MGAT5: variants seen among roughly 807,000 people sequenced by gnomAD.
The protein encoded by MGAT5 is alpha-1,6-mannosylglycoprotein 6-beta-N-acetylglucosaminyltransferase, also known as alpha-1,6-mannosylglycoprotein 6-beta-N-acetylglucosaminyltransferase A.
MGAT5 carries 30 observed loss-of-function variants against 94.3 expected under a neutral mutation model. The observed-to-expected ratio is 0.32, with a 90% CI of 0.24 to 0.43. The LOEUF is 0.43. Among genes scored for constraint, MGAT5 ranks in the 20% least tolerant of loss-of-function variants. The probability of loss-of-function intolerance (pLI) is 1.00; values close to 1 mark genes in which losing one functional copy is unlikely to be tolerated. For missense variants in MGAT5, 691 were observed against 905.5 expected (o/e 0.76, Z 3.04); for synonymous variants, 310 against 322.9 (o/e 0.96, Z 0.43).
chr2:134,190,507 C>T (rs1689312601), intron 1 of MGAT5, among the ~76,000 whole-genome samples: 1 of 152,206 alleles, frequency 6.6e-6, no homozygotes, highest in Non-Finnish European at 1.5e-5. Flanking sequence ...TTCCCCACCA[C>T]CCAACCCCAC....
intron 1 of MGAT5, among the ~76,000 whole-genome samples, chr2:134,203,086 A>G (rs1379881452): frequency 1.3e-5 from 2 of 152,192 alleles, no homozygotes; most frequent in African/African-American, 2.4e-5. Context: ...AACTTTTTTT[A>G]TGGTTAATAA....
chr2:134,442,026 G>C (rs1034353019), intron 15 of MGAT5, 111 bp downstream of exon 15: 3 of 1,253,478 alleles, frequency 2.4e-6, no homozygotes, highest in Admixed American at 3.9e-5. Context: ...GGGCTGTGGG[G>C]ATAAGGTGTG....
At chr2:134,215,857 T>C (rs1290729384) in intron 1 of MGAT5, among the ~76,000 whole-genome samples, 1 of 152,194 alleles carries the variant, frequency 6.6e-6, no homozygotes, top group Non-Finnish European at 1.5e-5. Flanking sequence ...ACTCACATCC[T>C]CTCCATGGTT....
intron 1 of MGAT5, among the ~76,000 whole-genome samples, chr2:134,216,153 A>G (rs1680486676): frequency 6.6e-6 from 1 of 152,140 alleles, no homozygotes; most frequent in African/African-American, 2.4e-5. Context: ...CTCTCACCAT[A>G]TGTTTGGTTT....
At chr2:134,362,176 C>T in intron 9 of MGAT5, 99 bp from the exon 10 acceptor site, 1 of 1,422,770 alleles carries the variant, frequency 7.0e-7, no homozygotes, top group Non-Finnish European at 9.6e-7. Flanking sequence ...TGAAAACAAA[C>T]ATTTTGTTAT....
At chr2:134,249,858 C>G (rs907893943), upstream of MGAT5, among the ~76,000 whole-genome samples, 1 of 152,246 alleles carries the variant, frequency 6.6e-6, no homozygotes, top group Non-Finnish European at 1.5e-5. Context: ...CCCACACTGG[C>G]TGCGCCATTT....
intron 7 of MGAT5, among the ~76,000 whole-genome samples, chr2:134,343,081 A>G (rs1231114074): frequency 6.6e-6 from 1 of 152,138 alleles, no homozygotes; most frequent in Non-Finnish European, 1.5e-5. Context: ...GAAGGAATAA[A>G]TAGGTGAATG....
At chr2:134,154,759 GCTGT>G (rs1331609646) in intron 1 of MGAT5, among the ~76,000 whole-genome samples, 2 of 152,184 alleles carry the variant, frequency 1.3e-5, no homozygotes, top group East Asian at 3.8e-4. Flanking sequence ...TGACAACTGT[GCTGT>G]CTGACTCTCT....
intron 1 of MGAT5, among the ~76,000 whole-genome samples, chr2:134,166,978 C>G (rs534525210): frequency 6.6e-6 from 1 of 152,308 alleles, no homozygotes; most frequent in East Asian, 1.9e-4. Flanking sequence ...CTATTAACTA[C>G]AAATTTGATC....
chr2:134,374,946 T>G (rs1195639610), intron 10 of MGAT5, among the ~76,000 whole-genome samples: 1 of 152,220 alleles, frequency 6.6e-6, no homozygotes, highest in Non-Finnish European at 1.5e-5. Flanking sequence ...TGAGCTGAGA[T>G]AGTGCCACTG....
intron 1 of MGAT5, 83 bp downstream of exon 1, chr2:134,254,727 C>G: frequency 6.5e-7 from 1 of 1,540,474 alleles, no homozygotes; most frequent in Non-Finnish European, 8.8e-7. Context: ...ATGGTCTTGT[C>G]ATGGACTGAA....
rs1240914817 is a variant in MGAT5, at chr2:134,349,951, G to A, written c.1246+13G>A. ...TATACCATGTTCCGTGAGTATTCCTGTTTCATGTATGCTTTCCAGAATGCC... is the reference window on the plus strand; with the variant it reads ...TATACCATGTTCCGTGAGTATTCCTATTTCATGTATGCTTTCCAGAATGCC... On this transcript the variant is annotated intron_variant, in intron 9 of 15. Transcript: ENST00000281923. 6.2e-7 allele frequency: 1 copy of A among 1,612,976 alleles called. No individual in the cohort carries two copies. The highest frequency in any genetic ancestry group is 1.7e-5 in the Admixed American group (1 of 59,876).
upstream of MGAT5, among the ~76,000 whole-genome samples, chr2:134,249,994 C>G (rs181930389): frequency 6.6e-6 from 1 of 152,296 alleles, no homozygotes; most frequent in African/African-American, 2.4e-5. Context: ...TGCATTTCCT[C>G]TAATGACTAA....
At chr2:134,221,331 A>C (rs948337240) in intron 1 of MGAT5, among the ~76,000 whole-genome samples, 1 of 152,214 alleles carries the variant, frequency 6.6e-6, no homozygotes, top group African/African-American at 2.4e-5. Flanking sequence ...GTAAATTTAA[A>C]CATTTTCTGG....
chr2:134,246,503 G>C (rs1001028241), intron 1 of MGAT5, among the ~76,000 whole-genome samples: 5 of 152,196 alleles, frequency 3.3e-5, no homozygotes, highest in African/African-American at 9.7e-5. Flanking sequence ...TTTAGATGAA[G>C]ACTGCCCCCC....
intron 13 of MGAT5, among the ~76,000 whole-genome samples, chr2:134,425,738 G>T (rs1362639343): frequency 6.6e-6 from 1 of 152,136 alleles, no homozygotes. Context: ...TTGGAAAGGT[G>T]AGTTGGTACT....
rs143758173 is a variant in MGAT5, at chr2:134,278,119, T to G, written c.406+7569T>G. On this transcript the variant is annotated intron_variant, in intron 2 of 15. Transcript: ENST00000281923. ...GTATTGGATACTGTCAGAAGCCATT[T>G]CTTTTGGTATGTTTACCGAAAATTC... 2.4e-3 allele frequency among the ~76,000 whole-genome samples: 360 copies of G among 152,362 alleles called. 5 individuals carry two copies. Among genetic ancestry groups the G allele is most frequent in the East Asian group, 0.018 (94 of 5,184 alleles).
At chr2:134,398,805 G>A (rs1247915971) in intron 10 of MGAT5, among the ~76,000 whole-genome samples, 1 of 152,218 alleles carries the variant, frequency 6.6e-6, no homozygotes, top group East Asian at 1.9e-4. Context: ...ATTATGTTAA[G>A]TGAAATAAGC....
intron 11 of MGAT5, among the ~76,000 whole-genome samples, chr2:134,408,188 C>T (rs1574036623): frequency 6.6e-6 from 1 of 152,026 alleles, no homozygotes; most frequent in South Asian, 2.1e-4. Context: ...GGGAGAGAGG[C>T]GTGGTCAGAA....
Sources: gnomAD v4.1 joint callset for allele counts (sites outside exome capture counted in the v4.1 genomes callset) on GRCh38, gnomAD v4.1.1 for gene constraint, MANE v1.5 for transcripts, NCBI Gene and HGNC (gene_info 2026-07-23, HGNC 2026-07-21) for gene names.